SPATA13: variants seen among roughly 807,000 people sequenced by gnomAD.
SPATA13 encodes spermatogenesis-associated protein 13.
A neutral mutation model predicts 104.0 loss-of-function variants in SPATA13; 50 were observed. That is an observed-to-expected ratio of 0.48 (90% CI 0.38 to 0.61). SPATA13 has a LOEUF of 0.61. Among genes scored for constraint, SPATA13 ranks in the 20% least tolerant of loss-of-function variants. SPATA13 has a pLI of 0.00. For synonymous variants in SPATA13, 606 were observed against 667.5 expected, an observed-to-expected ratio of 0.91 and a Z score of 1.42; for missense variants, 1,524 against 1,690.6, an observed-to-expected ratio of 0.90 and a Z score of 1.73.
intron 4 of SPATA13, among the ~76,000 whole-genome samples, chr13:24,281,246 T>G (rs1006625551): frequency 3.9e-5 from 6 of 152,190 alleles, no homozygotes; most frequent in African/African-American, 2.4e-5. Context: ...CTCCTCCCCC[T>G]CCAACCCCGT....
At chr13:24,103,925 T>A (rs1258680381) in intron 3 of SPATA13, among the ~76,000 whole-genome samples, 1 of 152,198 alleles carries the variant, frequency 6.6e-6, no homozygotes, top group African/African-American at 2.4e-5. Context: ...CCAGCGCTGC[T>A]CAGACATGTC....
In SPATA13 at chr13:24,236,462, G is replaced by A. The variant is rs528764957; in HGVS notation, c.1653+11880G>A. On this transcript the variant is annotated intron_variant, in intron 2 of 12. Transcript: ENST00000382108. ...AAAAAAAAATTAGCTGGGCGTGGTG[G>A]CACGCACCTGTAGTCCCAGCTACTC... Among the ~76,000 whole-genome samples the A allele has an allele frequency of 2.0e-5, 3 of 152,124 alleles. No homozygotes were observed. In the South Asian group the frequency reaches 6.2e-4, roughly 32 times the overall value.
intron 3 of SPATA13, among the ~76,000 whole-genome samples, chr13:24,103,847 A>C (rs752387179): frequency 1.3e-5 from 2 of 152,100 alleles, no homozygotes; most frequent in Non-Finnish European, 2.9e-5. Context: ...TCAGAGTTAC[A>C]GGGTGGTGTC....
chr13:24,302,213 C>T (rs12585910), intron 12 of SPATA13, among the ~76,000 whole-genome samples: 32,502 of 151,958 alleles, frequency 0.21, 3,951 homozygotes, highest in East Asian at 0.54. Context: ...GACTGTGTCA[C>T]GCTCCACACG....
At chr13:24,117,929 A>C (rs1452203340) in intron 3 of SPATA13, among the ~76,000 whole-genome samples, 1 of 152,150 alleles carries the variant, frequency 6.6e-6, no homozygotes, top group Non-Finnish European at 1.5e-5. Context: ...ACATCATCAA[A>C]CTCACATTGT....
At chr13:24,241,623 G>A (rs1434873093) in intron 2 of SPATA13, among the ~76,000 whole-genome samples, 1 of 152,236 alleles carries the variant, frequency 6.6e-6, no homozygotes, top group Non-Finnish European at 1.5e-5. Context: ...CCAGGGAGTG[G>A]AGGACCAGGA....
In SPATA13 at chr13:24,286,375, C is replaced by T. The variant is rs9580913; in HGVS notation, c.2463C>T (p.Phe821=). The stretch of plus-strand genomic sequence containing the variant: ...GCAGTGAAGATAAGGAAGCCTGGTT[C>T]CCCGCGAGCTTCGTCAGAGTAAGTG... ...WGRSEDKEAW[F]PASFVRLRVN... The change falls in exon 6 of 13, where the codon TTC becomes TTT. Residue 821 remains phenylalanine, a synonymous_variant. Coordinates refer to ENST00000382108, the MANE Select transcript of SPATA13 (RefSeq NM_001166271.3). This position sits in a 1 kb window ranked among gnomAD's most constrained non-coding sequence, Gnocchi z 4.9. 1,120 of 1,612,378 alleles carry T rather than the reference C, an allele frequency of 6.9e-4. 6 individuals carry two copies. The African/African-American group carries it at 0.014, about 19-fold the overall frequency.
At chr13:24,300,116 C>T (rs188290898) in intron 11 of SPATA13, among the ~76,000 whole-genome samples, 4 of 152,250 alleles carry the variant, frequency 2.6e-5, no homozygotes, top group East Asian at 1.9e-4. Flanking sequence ...AATATTTGCC[C>T]GGGAGCGTCG....
rs2031160 is a variant in SPATA13, at chr13:24,220,081, T to C, written c.-111-2738T>C. Among the ~76,000 whole-genome samples the C allele has an allele frequency of 0.017, 2,528 of 152,218 alleles. 133 individuals carry two copies. The East Asian group carries it at 0.18, about 11-fold the overall frequency. On this transcript the variant is annotated intron_variant, in intron 1 of 12. Coordinates refer to ENST00000382108, the MANE Select transcript of SPATA13 (RefSeq NM_001166271.3). ...TCTAGAATGAGCGATTACCTTATCATTGCCTTGAATTCCTCATGGGACCCG... is the reference window on the plus strand; with the variant it reads ...TCTAGAATGAGCGATTACCTTATCACTGCCTTGAATTCCTCATGGGACCCG...
In SPATA13 at chr13:24,193,314, T is replaced by C. The variant is rs112851672; in HGVS notation, c.-111-29505T>C. Among the ~76,000 whole-genome samples, 247 of 149,624 alleles carry C rather than the reference T, an allele frequency of 1.7e-3. No homozygotes were observed. The Middle Eastern group carries it at 0.021, about 13-fold the overall frequency. ...GGGCACAAGGGAAAGTAGGTGAGGGTGGGGGAGAGAGATGACAAAGGCCAG... is the reference window on the plus strand; with the variant it reads ...GGGCACAAGGGAAAGTAGGTGAGGGCGGGGGAGAGAGATGACAAAGGCCAG... On this transcript the variant is annotated intron_variant, in intron 1 of 12. Transcript: ENST00000382108.
At position 24,017,064 on chromosome 13, in the gene SPATA13, CA is replaced by C. The variant is rs142839570; in HGVS notation, c.-146-602del. The stretch of plus-strand genomic sequence containing the variant: ...GAAGTGTGGGAGGAGGTGACAGGGT[CA>C]GGGGGCAGACATCCTTCCCATGGGG... On this transcript the variant is annotated intron_variant, in intron 2 of 14. Transcript: ENST00000424834. Among the ~76,000 whole-genome samples, 1,398 of 152,260 alleles carry C rather than the reference CA, an allele frequency of 9.2e-3. 23 individuals are homozygous for C. The highest frequency in any genetic ancestry group is 0.032 in the African/African-American group (1,318 of 41,536).
chr13:24,123,373 C>G, intron 3 of SPATA13: 3 of 1,283,354 alleles, frequency 2.3e-6, no homozygotes, highest in Non-Finnish European at 3.4e-6. Context: ...ACCCAGCAAG[C>G]CCTTGCTCTC....
intron 3 of SPATA13, among the ~76,000 whole-genome samples, chr13:24,110,918 C>CTTTTTAT (rs141512439): frequency 0.046 from 7,068 of 152,034 alleles, 514 homozygotes; most frequent in African/African-American, 0.15. Flanking sequence ...TTGATTATCT[C>CTTTTTAT]TTTTTATTTT....
At chr13:24,206,015 T>C (rs4770625) in intron 1 of SPATA13, among the ~76,000 whole-genome samples, 139,386 of 152,232 alleles carry the variant, frequency 0.92, 65,146 homozygotes, top group East Asian at 1. Context: ...GGCATAGGAA[T>C]GAGCAAAGAT....
intron 3 of SPATA13, among the ~76,000 whole-genome samples, chr13:24,073,671 G>C (rs1423521778): frequency 6.6e-6 from 1 of 152,236 alleles, no homozygotes; most frequent in Non-Finnish European, 1.5e-5. Flanking sequence ...CTTTACTGCA[G>C]CATGATTTTG....
At chr13:24,201,402 A>G (rs534506796) in intron 1 of SPATA13, among the ~76,000 whole-genome samples, 12 of 150,344 alleles carry the variant, frequency 8.0e-5, no homozygotes, top group Middle Eastern at 3.4e-3. Context: ...TGATGGGTCA[A>G]TATTGATTTA....
chr13:24,147,243 G>C (rs1004443201), intron 3 of SPATA13, among the ~76,000 whole-genome samples: 5 of 152,212 alleles, frequency 3.3e-5, no homozygotes, highest in African/African-American at 1.2e-4. Context: ...GGCAGAACAG[G>C]ATGCAGAGAA....
chr13:24,269,176 G>C (rs764166964), intron 4 of SPATA13, among the ~76,000 whole-genome samples: 44 of 152,164 alleles, frequency 2.9e-4, no homozygotes, highest in Non-Finnish European at 2.4e-4. Context: ...ATTCTGTGAG[G>C]ATTATTGATT....
At chr13:24,004,529 T>A (rs1363036260) in intron 2 of SPATA13, among the ~76,000 whole-genome samples, 1 of 152,146 alleles carries the variant, frequency 6.6e-6, no homozygotes. Context: ...CAGACGGGAC[T>A]CAGGGAGGGT....
Sources: gnomAD v4.1 joint callset for allele counts (sites outside exome capture counted in the v4.1 genomes callset) on GRCh38, gnomAD v4.1.1 for gene constraint, Gnocchi (gnomAD v3.1) non-coding constraint, MANE v1.5 for transcripts, NCBI Gene and HGNC (gene_info 2026-07-23, HGNC 2026-07-21) for gene names.